Variants in GABBR2 observed in about 807,000 individuals in gnomAD.
The protein encoded by GABBR2 is G-protein coupled receptor 51.
GABBR2 carries 23 observed loss-of-function variants against 105.6 expected under a neutral mutation model. The observed-to-expected ratio is 0.22, with a 90% CI of 0.16 to 0.31. The LOEUF is 0.31. GABBR2 is among the 10% of genes least tolerant of loss of function. GABBR2 has a pLI of 1.00. For missense variants in GABBR2, 734 were observed against 1,245.5 expected (o/e 0.59, Z 6.18); for synonymous variants, 478 against 499.7 (o/e 0.96, Z 0.58).
At chr9:98,517,878 C>T (rs1827788675) in intron 3 of GABBR2, among the ~76,000 whole-genome samples, 1 of 151,400 alleles carries the variant, frequency 6.6e-6, no homozygotes, top group South Asian at 2.1e-4. Flanking sequence ...GTCAGAAGAC[C>T]AGTGAGAGTC....
intron 7 of GABBR2, among the ~76,000 whole-genome samples, chr9:98,433,803 G>C (rs1241334307): frequency 6.6e-6 from 1 of 152,200 alleles, no homozygotes; most frequent in African/African-American, 2.4e-5. Context: ...GTGGAAGGTG[G>C]GGGCTCAGAA....
chr9:98,417,506 G>A (rs541302083), intron 7 of GABBR2, among the ~76,000 whole-genome samples: 2 of 152,128 alleles, frequency 1.3e-5, no homozygotes, highest in Non-Finnish European at 2.9e-5. Context: ...GTAGTTCGGG[G>A]TTCTAGTCCC....
chr9:98,401,936 C>T lies in GABBR2; in HGVS notation c.1297+4145G>A, dbSNP rs781717525. Among the ~76,000 whole-genome samples, 15 of 152,258 alleles carry T rather than the reference C, an allele frequency of 9.9e-5. No homozygotes were observed. In the South Asian group the frequency reaches 1.2e-3, roughly 13 times the overall value. On this transcript the variant is annotated intron_variant, in intron 8 of 18. Coordinates refer to ENST00000259455, the MANE Select transcript of GABBR2 (RefSeq NM_005458.8). Reference sequence around the variant, plus strand: ...TCAGGAAATGCGCACTGAATACAACCGTATCTGTTACCCTGAAGACCAAAT... The same window carrying T: ...TCAGGAAATGCGCACTGAATACAACTGTATCTGTTACCCTGAAGACCAAAT...
intron 2 of GABBR2, among the ~76,000 whole-genome samples, chr9:98,566,363 A>G (rs116491033): frequency 0.015 from 2,259 of 152,298 alleles, 55 homozygotes; most frequent in African/African-American, 0.051. Context: ...CTCATGAATT[A>G]CAGGAATGAT....
At chr9:98,300,819 G>C (rs1431338692) in intron 16 of GABBR2, among the ~76,000 whole-genome samples, 1 of 152,204 alleles carries the variant, frequency 6.6e-6, no homozygotes, top group Non-Finnish European at 1.5e-5. Flanking sequence ...AGGAAGGAAT[G>C]CTACAGAGAG....
rs141927820 is a variant in GABBR2, at chr9:98,649,430, G to A, written c.321+58987C>T. The stretch of plus-strand genomic sequence containing the variant: ...GTTAGTGAGTGACAGGGAAGGAGGA[G>A]AATGCCTTCTCCACCACACCCACTG... On this transcript the variant is annotated intron_variant, in intron 1 of 18. Coordinates refer to ENST00000259455, the MANE Select transcript of GABBR2 (RefSeq NM_005458.8). Among the ~76,000 whole-genome samples, 1,324 of 152,304 alleles carry A rather than the reference G, an allele frequency of 8.7e-3. 12 individuals carry two copies. The highest frequency in any genetic ancestry group is 0.048 in the Middle Eastern group (14 of 294).
rs557827280 is a variant in GABBR2, at chr9:98,341,320, C to T, written c.1893+21395G>A. ...GGGCCAGGATCCATGCCAGAAGGCA[C>T]GTGGCTGTGGACACCCTTAAAATGT... On this transcript the variant is annotated intron_variant, in intron 13 of 18. Coordinates refer to ENST00000259455, the MANE Select transcript of GABBR2 (RefSeq NM_005458.8). 3.9e-5 allele frequency among the ~76,000 whole-genome samples: 6 copies of T among 152,332 alleles called. No individual in the cohort carries two copies. In the South Asian group the frequency reaches 6.2e-4, roughly 16 times the overall value.
intron 13 of GABBR2, among the ~76,000 whole-genome samples, chr9:98,351,587 C>T (rs774795311): frequency 2.6e-5 from 4 of 152,148 alleles, no homozygotes; most frequent in Non-Finnish European, 5.9e-5. Flanking sequence ...TTTGCTTGAT[C>T]TAGTCTATTT....
In GABBR2 at chr9:98,345,523, CT is replaced by C. The variant is rs1288844298; in HGVS notation, c.1893+17191del. ...CTACTTAATGGTGAAAAACTAGATG[CT>C]TTTCCTGAAGACTGAGAACAAAGCA... On this transcript the variant is annotated intron_variant, in intron 13 of 18. Transcript: ENST00000259455. 8.5e-5 allele frequency among the ~76,000 whole-genome samples: 13 copies of C among 152,276 alleles called. No individual in the cohort carries two copies. The East Asian group carries it at 2.3e-3, about 27-fold the overall frequency.
chr9:98,464,488 A>G (rs1348419389), intron 6 of GABBR2, among the ~76,000 whole-genome samples: 8 of 132,252 alleles, frequency 6.0e-5, no homozygotes, highest in Non-Finnish European at 9.6e-5. Flanking sequence ...CCATCTGGGA[A>G]GTGAGGAGTG....
chr9:98,331,914 G>A (rs1831033422), intron 13 of GABBR2, among the ~76,000 whole-genome samples: 1 of 152,220 alleles, frequency 6.6e-6, no homozygotes, highest in South Asian at 2.1e-4. Flanking sequence ...GAAGGGGGAA[G>A]TGAGGACAAT....
At chr9:98,579,853 A>G (rs1476790766) in intron 1 of GABBR2, among the ~76,000 whole-genome samples, 1 of 152,220 alleles carries the variant, frequency 6.6e-6, no homozygotes, top group Non-Finnish European at 1.5e-5. Context: ...AAATCAGCAT[A>G]TCTTATCTGT....
At chr9:98,563,156 A>T (rs1425263964) in intron 2 of GABBR2, among the ~76,000 whole-genome samples, 24 of 151,906 alleles carry the variant, frequency 1.6e-4, no homozygotes, top group Admixed American at 1.6e-3. Context: ...AATACAGTAC[A>T]TTCAATATAT....
intron 2 of GABBR2, among the ~76,000 whole-genome samples, chr9:98,576,282 T>A (rs1037618366): frequency 3.9e-5 from 6 of 152,234 alleles, no homozygotes; most frequent in African/African-American, 1.4e-4. Context: ...CCAGCCCCAT[T>A]TCCCTGTTTT....
At chr9:98,402,106 A>G (rs539836803) in intron 8 of GABBR2, among the ~76,000 whole-genome samples, 2 of 152,272 alleles carry the variant, frequency 1.3e-5, no homozygotes, top group African/African-American at 4.8e-5. Flanking sequence ...TGAGCCCTTT[A>G]TGTTGCATAG....
chr9:98,342,012 G>T (rs999064907), intron 13 of GABBR2, among the ~76,000 whole-genome samples: 1 of 152,148 alleles, frequency 6.6e-6, no homozygotes, highest in African/African-American at 2.4e-5. Context: ...GGTGGTGGGT[G>T]CTGGGGACAC....
intron 3 of GABBR2, among the ~76,000 whole-genome samples, chr9:98,502,417 C>T (rs552966134): frequency 3.3e-4 from 51 of 152,282 alleles, no homozygotes; most frequent in South Asian, 2.1e-4. Flanking sequence ...TGCCAGAGGA[C>T]GCCGGGTACT....
At chr9:98,530,671 G>A (rs1482203771) in intron 3 of GABBR2, among the ~76,000 whole-genome samples, 1 of 152,144 alleles carries the variant, frequency 6.6e-6, no homozygotes, top group African/African-American at 2.4e-5. Flanking sequence ...TGTAGTCTCA[G>A]CTATTTGGGA....
At chr9:98,661,887 G>C (rs1013031868) in intron 1 of GABBR2, among the ~76,000 whole-genome samples, 1 of 152,160 alleles carries the variant, frequency 6.6e-6, no homozygotes, top group African/African-American at 2.4e-5. Flanking sequence ...TCCAGTGTGG[G>C]AATACAAAAG....
Sources: allele counts gnomAD v4.1 joint callset (sites outside exome capture counted in the v4.1 genomes callset), GRCh38; gene constraint gnomAD v4.1.1; transcripts MANE v1.5; gene names NCBI Gene and HGNC (gene_info 2026-07-23, HGNC 2026-07-21).